The following SLIT1 variants were observed in gnomAD, a reference collection of about 807,000 sequenced individuals.
The protein encoded by SLIT1 is slit guidance ligand 1.
SLIT1 carries 66 observed loss-of-function variants against 186.1 expected under a neutral mutation model. That is an observed-to-expected ratio of 0.35 (90% CI 0.29 to 0.44). SLIT1 has a LOEUF of 0.44. Ranked by LOEUF, SLIT1 falls within the 20% of genes least tolerant of loss-of-function variation. The pLI is 1.00. For synonymous variants in SLIT1, 761 were observed against 833.8 expected (o/e 0.91, Z 1.50); for missense variants, 1,638 against 2,037.4 (o/e 0.80, Z 3.77).
chr10:97,068,691 C>A lies in SLIT1; in HGVS notation c.414-2605G>T, dbSNP rs556766190. On this transcript the variant is annotated intron_variant, in intron 4 of 36. Coordinates refer to ENST00000266058, the MANE Select transcript of SLIT1 (RefSeq NM_003061.3). The surrounding 1 kb of genome is among the most constrained non-coding windows in gnomAD (Gnocchi z 4.2). ...GAAGCTTCCTCCTCCCGCACTCGCC[C>A]GGCCCCACCTTCCCTTCCTGCTCTC... Among the ~76,000 whole-genome samples, 1 of 152,302 alleles carries A rather than the reference C, an allele frequency of 6.6e-6. No homozygotes were observed. Among genetic ancestry groups the A allele is most frequent in the East Asian group, 1.9e-4 (1 of 5,178 alleles).
chr10:97,182,556 C>T (rs886280545), intron 1 of SLIT1, among the ~76,000 whole-genome samples: 4 of 152,230 alleles, frequency 2.6e-5, no homozygotes, highest in South Asian at 2.1e-4. Context: ...GGGCTCCCTG[C>T]GCTTTCCCAG....
At position 97,006,748 on chromosome 10, in the gene SLIT1, G is replaced by A. The variant is rs1303004078; in HGVS notation, c.3342-28C>T. 3 of 1,506,672 alleles carry A rather than the reference G, an allele frequency of 2.0e-6. No individual in the cohort carries two copies. Among genetic ancestry groups the A allele is most frequent in the Non-Finnish European group, 2.8e-6 (3 of 1,084,064 alleles). The allele number at this position is 1,506,672 out of a possible 1,614,324, so 93.3% of individuals were successfully genotyped here. Reference sequence around the variant, plus strand: ...GAGAGGAAAGGACATAAGTCAGAGAGGGCCAAGGAGGAAGGGAGTATCTTC... The same window carrying A: ...GAGAGGAAAGGACATAAGTCAGAGAAGGCCAAGGAGGAAGGGAGTATCTTC... On this transcript the variant is annotated intron_variant, in intron 31 of 36. Transcript: ENST00000266058. The surrounding 1 kb of genome is among the most constrained non-coding windows in gnomAD (Gnocchi z 4.0).
At chr10:97,061,179 A>G (rs1220674978) in intron 8 of SLIT1, among the ~76,000 whole-genome samples, 2 of 152,252 alleles carry the variant, frequency 1.3e-5, no homozygotes, top group Non-Finnish European at 2.9e-5. Flanking sequence ...TGTATGCCAC[A>G]TGCTATAATA....
At chr10:97,171,619 A>C (rs1242050087) in intron 1 of SLIT1, among the ~76,000 whole-genome samples, 2 of 152,154 alleles carry the variant, frequency 1.3e-5, no homozygotes, top group Non-Finnish European at 2.9e-5. Context: ...CAGGAGTTTG[A>C]GACCAGCCTG....
intron 4 of SLIT1, among the ~76,000 whole-genome samples, chr10:97,095,876 T>G (rs986941001): frequency 7.2e-5 from 11 of 152,210 alleles, no homozygotes; most frequent in Non-Finnish European, 1.5e-4. Flanking sequence ...GCCACTAATG[T>G]GCACACAAAT....
At chr10:97,047,160 C>G in intron 16 of SLIT1, 95 bp from the exon 17 acceptor site, 1 of 809,964 alleles carries the variant, frequency 1.2e-6, no homozygotes, top group Non-Finnish European at 2.0e-6. Context: ...ACAGAGAAGA[C>G]TCCCAGAAGA....
At chr10:97,098,463 C>T (rs77971711) in intron 4 of SLIT1, among the ~76,000 whole-genome samples, 2,748 of 152,218 alleles carry the variant, frequency 0.018, 75 homozygotes, top group South Asian at 0.14. Flanking sequence ...TCTAGGGGTA[C>T]GGTGAGGACT....
intron 30 of SLIT1, among the ~76,000 whole-genome samples, chr10:97,012,379 TA>T (rs1431003128): frequency 6.6e-6 from 1 of 152,182 alleles, no homozygotes; most frequent in Non-Finnish European, 1.5e-5. Flanking sequence ...ACTGGATATA[TA>T]TCTTGGGTTC....
At chr10:97,091,796 C>A (rs1001651563) in intron 4 of SLIT1, among the ~76,000 whole-genome samples, 4 of 152,228 alleles carry the variant, frequency 2.6e-5, no homozygotes, top group Admixed American at 6.5e-5. Flanking sequence ...CTTGGACCCC[C>A]CTCTGTCCAA....
In SLIT1 at chr10:97,019,125, T is replaced by A. The variant is rs762271452; in HGVS notation, c.2747-18A>T. 8 of 1,495,806 alleles carry A rather than the reference T, an allele frequency of 5.3e-6. No individual in the cohort carries two copies. The highest frequency in any genetic ancestry group is 3.7e-6 in the Non-Finnish European group (4 of 1,073,920). 92.7% of individuals were successfully genotyped at this position (1,495,806 alleles called of 1,614,324 possible). On this transcript the variant is annotated intron_variant, in intron 26 of 36. Transcript: ENST00000266058. The stretch of plus-strand genomic sequence containing the variant: ...TGGAGGACCTGCAGCAAGGGGAGGG[T>A]GCTAGTGCAGGGGGAGGGGTGGGCA...
chr10:97,048,127 G>T, intron 14 of SLIT1, 131 bp from the exon 15 acceptor site: 2 of 959,868 alleles, frequency 2.1e-6, no homozygotes, highest in Non-Finnish European at 3.4e-6. Context: ...CCCAGTCCCT[G>T]TGTGCAGAAG....
chr10:97,001,101 C>A lies in SLIT1; in HGVS notation c.*11G>T, dbSNP rs774537285. 4.3e-6 allele frequency: 7 copies of A among 1,609,492 alleles called. No individual in the cohort carries two copies. The African/African-American group carries it at 9.3e-5, about 21-fold the overall frequency. The stretch of plus-strand genomic sequence containing the variant: ...CCTTGCCCGCCCTCACCGGCCTGTC[C>A]ACGCCCAGCGCTATGCGCAGAGGGC... On this transcript the variant is annotated 3_prime_UTR_variant, in exon 37 of 37. Transcript: ENST00000266058.
At chr10:97,033,860 ATT>A (rs36010222) in intron 23 of SLIT1, among the ~76,000 whole-genome samples, 21 of 125,274 alleles carry the variant, frequency 1.7e-4, no homozygotes, top group African/African-American at 2.8e-4. Flanking sequence ...GCACTGTTCT[ATT>A]TTTTTTTTTT....
intron 1 of SLIT1, among the ~76,000 whole-genome samples, chr10:97,167,284 C>A (rs1468908042): frequency 6.6e-6 from 1 of 152,210 alleles, no homozygotes; most frequent in Non-Finnish European, 1.5e-5. Flanking sequence ...CAACCTGCTC[C>A]CTCTGCACCC....
In SLIT1 at chr10:97,185,615, C is replaced by T; in HGVS notation, c.60G>A (p.Leu20=). ...SAGPVRPELW[L]LLWAAAWRLG... ...GGCGCCACGCGGCTGCCCACAGCAG[C>T]AGCCAGAGCTCCGGCCGGACCGGCC... Residue 20 remains leucine (L), a synonymous_variant, in exon 1 of 37, where the codon CTG becomes CTA. Transcript: ENST00000266058. The T allele has an allele frequency of 6.4e-7, 1 of 1,569,070 alleles. No individual in the cohort carries two copies. Among genetic ancestry groups the T allele is most frequent in the Non-Finnish European group, 8.6e-7 (1 of 1,158,904 alleles).
chr10:97,020,508 G>GC (rs1201309848), intron 26 of SLIT1, among the ~76,000 whole-genome samples: 2 of 152,220 alleles, frequency 1.3e-5, no homozygotes, highest in African/African-American at 2.4e-5. Context: ...CGCAGATCAG[G>GC]CCCCCCGGAG....
intron 4 of SLIT1, among the ~76,000 whole-genome samples, chr10:97,109,681 T>G (rs1219912271): frequency 2.0e-5 from 3 of 152,056 alleles, no homozygotes. Flanking sequence ...AGCCTTGGAG[T>G]GGCAGGTGCA....
intron 18 of SLIT1, 150 bp downstream of exon 18, chr10:97,046,504 T>C (rs1233732164): frequency 1.3e-6 from 1 of 759,618 alleles, no homozygotes; most frequent in African/African-American, 1.8e-5. Flanking sequence ...CTTGATTACC[T>C]GTCCCAACAC....
intron 4 of SLIT1, among the ~76,000 whole-genome samples, chr10:97,149,876 C>T (rs551800791): frequency 1.3e-5 from 2 of 152,254 alleles, no homozygotes; most frequent in East Asian, 1.9e-4. Flanking sequence ...GTTTGGGAGA[C>T]GCAACATTCC....
Sources: allele counts gnomAD v4.1 joint callset (sites outside exome capture counted in the v4.1 genomes callset), GRCh38; gene constraint gnomAD v4.1.1; non-coding constraint Gnocchi (gnomAD v3.1); transcripts MANE v1.5; gene names NCBI Gene and HGNC (gene_info 2026-07-23, HGNC 2026-07-21).